Variants in KCNT1 observed in about 807,000 individuals in gnomAD.
KCNT1 encodes potassium sodium-activated channel subfamily T member 1.
KCNT1 carries 78 observed loss-of-function variants against 147.8 expected under a neutral mutation model. The ratio of observed to expected loss-of-function variants is 0.53; its 90% CI spans 0.44 to 0.64. The LOEUF is 0.64. Ranked by LOEUF, KCNT1 falls within the 30% of genes least tolerant of loss-of-function variation. The pLI is 0.00. For synonymous variants in KCNT1, 867 were observed against 748.8 expected, an observed-to-expected ratio of 1.16 and a Z score of -2.58; for missense variants, 1,419 against 1,750.3, an observed-to-expected ratio of 0.81 and a Z score of 3.38.
At chr9:135,722,436 C>T (rs550523538) in intron 2 of KCNT1, among the ~76,000 whole-genome samples, 6 of 152,340 alleles carry the variant, frequency 3.9e-5, no homozygotes, top group South Asian at 4.1e-4. Context: ...GCATCCTCCG[C>T]GTCAGGAAGC....
chr9:135,753,772 AG>A (rs1225750917), intron 4 of KCNT1, 164 bp from the exon 5 acceptor site: 1 of 668,030 alleles, frequency 1.5e-6, no homozygotes, highest in African/African-American at 1.8e-5. Context: ...GGGAGGGGGC[AG>A]GCTGCCTTGT....
chr9:135,757,438 G>C, intron 9 of KCNT1, 57 bp downstream of exon 9: 1 of 1,499,422 alleles, frequency 6.7e-7, no homozygotes. Context: ...CAGCCTCACC[G>C]GCCCTGGAAG....
At position 135,770,466 on chromosome 9, in the gene KCNT1, C is replaced by T. The variant is rs770651028; in HGVS notation, c.1769+19C>T. 1.7e-5 allele frequency: 27 copies of T among 1,598,994 alleles called. No individual in the cohort carries two copies. The highest frequency in any genetic ancestry group is 3.3e-4 in the Middle Eastern group (2 of 5,992). Reference sequence around the variant, plus strand: ...ACAAGAAGTAAGGCCGGGCTGCATCCACAGGGCTGGCGCTCCAGGGCTGCT... The same window carrying T: ...ACAAGAAGTAAGGCCGGGCTGCATCTACAGGGCTGGCGCTCCAGGGCTGCT... On this transcript the variant is annotated intron_variant, in intron 17 of 30. Transcript: ENST00000371757.
At chr9:135,748,190 T>C (rs2131401990) in intron 2 of KCNT1, among the ~76,000 whole-genome samples, 1 of 152,152 alleles carries the variant, frequency 6.6e-6, no homozygotes, top group Non-Finnish European at 1.5e-5. Flanking sequence ...CACCTCTGCC[T>C]CCCAAGTTCC....
intron 5 of KCNT1, among the ~76,000 whole-genome samples, chr9:135,754,622 T>C (rs1831371271): frequency 6.6e-6 from 1 of 152,176 alleles, no homozygotes; most frequent in Non-Finnish European, 1.5e-5. Context: ...GCCATGCCCC[T>C]GCCTGTTTAT....
intron 11 of KCNT1, among the ~76,000 whole-genome samples, chr9:135,763,432 C>T (rs1430426251): frequency 6.6e-6 from 1 of 152,254 alleles, no homozygotes; most frequent in East Asian, 1.9e-4. Context: ...AAGTATCCTC[C>T]AGGCTCTTCG....
At chr9:135,773,891 G>A (rs1019891733) in intron 19 of KCNT1, among the ~76,000 whole-genome samples, 1 of 152,242 alleles carries the variant, frequency 6.6e-6, no homozygotes, top group African/African-American at 2.4e-5. Context: ...CACCAGCCGG[G>A]GGTGCTGGGG....
At chr9:135,777,768 C>G (rs936660948) in intron 21 of KCNT1, among the ~76,000 whole-genome samples, 3 of 151,132 alleles carry the variant, frequency 2.0e-5, no homozygotes, top group African/African-American at 7.3e-5. Flanking sequence ...TGGGTCCTCC[C>G]TGCTCCCTGT....
rs1276443734 is a variant in KCNT1, at chr9:135,714,206, G to A, written c.111-371G>A. ...GGAGGGGTTGCAGGGGTGTGGCGGGGCTTCAGAGCAGGGGGAGGGCCTCCA... is the reference window on the plus strand; with the variant it reads ...GGAGGGGTTGCAGGGGTGTGGCGGGACTTCAGAGCAGGGGGAGGGCCTCCA... On this transcript the variant is annotated intron_variant, in intron 1 of 30. Coordinates refer to ENST00000371757, the MANE Select transcript of KCNT1 (RefSeq NM_020822.3). The surrounding 1 kb of genome is among the most constrained non-coding windows in gnomAD (Gnocchi z 6.2). 6.6e-6 allele frequency among the ~76,000 whole-genome samples: 1 copy of A among 151,740 alleles called. No individual in the cohort carries two copies. Among genetic ancestry groups the A allele is most frequent in the African/African-American group, 2.4e-5 (1 of 41,332 alleles).
chr9:135,774,143 ATG>A (rs889892929), intron 19 of KCNT1, among the ~76,000 whole-genome samples: 6 of 142,294 alleles, frequency 4.2e-5, no homozygotes, highest in African/African-American at 1.6e-4. Context: ...GTGATATGTG[ATG>A]TGTGTCTGGG....
intron 2 of KCNT1, among the ~76,000 whole-genome samples, chr9:135,716,201 C>T (rs576588143): frequency 2.8e-4 from 43 of 152,308 alleles, no homozygotes; most frequent in South Asian, 8.3e-4. Flanking sequence ...TTCTTGAAAA[C>T]GGCAGCCCTG....
At chr9:135,781,639 T>TA (rs5901090) in intron 24 of KCNT1, among the ~76,000 whole-genome samples, 60,338 of 143,776 alleles carry the variant, frequency 0.42, 12,206 homozygotes, top group South Asian at 0.56. Context: ...ATACTGAAAG[T>TA]AAAAAAAAAA....
chr9:135,774,582 T>C (rs1833020102), intron 19 of KCNT1, among the ~76,000 whole-genome samples: 1 of 151,624 alleles, frequency 6.6e-6, no homozygotes, highest in Admixed American at 6.6e-5. Context: ...GTGTGTTGTG[T>C]GTCCATGTGT....
At chr9:135,778,988 C>G (rs1203460024) in intron 23 of KCNT1, among the ~76,000 whole-genome samples, 166 bp downstream of exon 23, 1 of 148,020 alleles carries the variant, frequency 6.8e-6, no homozygotes, top group East Asian at 2.1e-4. Context: ...ACCACGGGCC[C>G]TCGCCCTGAG....
chr9:135,775,110 A>C (rs1399493999), intron 19 of KCNT1, among the ~76,000 whole-genome samples, 200 bp from the exon 20 acceptor site: 2 of 152,210 alleles, frequency 1.3e-5, no homozygotes, highest in African/African-American at 2.4e-5. Context: ...CGGTGACCAC[A>C]GGCTCAGCTG....
chr9:135,767,327 G>A (rs1262012823), intron 13 of KCNT1, among the ~76,000 whole-genome samples: 2 of 152,240 alleles, frequency 1.3e-5, no homozygotes, highest in Admixed American at 6.5e-5. Context: ...GCCCAGGGCT[G>A]TGGGTACAGG....
chr9:135,714,828 C>A lies in KCNT1; in HGVS notation c.254+108C>A. 1.2e-6 allele frequency: 1 copy of A among 803,382 alleles called. No homozygotes were observed. The highest frequency in any genetic ancestry group is 1.6e-6 in the Non-Finnish European group (1 of 632,510). The allele number at this position is 803,382 out of a possible 1,614,324, so 49.8% of individuals were successfully genotyped here. On this transcript the variant is annotated intron_variant, in intron 2 of 30. Transcript: ENST00000371757. The surrounding 1 kb of genome is among the most constrained non-coding windows in gnomAD (Gnocchi z 6.2). ...CGGTCCCGCGCGCCCCCGCAGCCGC[C>A]GGCGCCCTTCAACTTTTCCCGGCTT...
chr9:135,711,434 T>C (rs1224016488), intron 1 of KCNT1, among the ~76,000 whole-genome samples: 1 of 152,232 alleles, frequency 6.6e-6, no homozygotes, highest in African/African-American at 2.4e-5. Context: ...TGACGCTCCT[T>C]GGGCTCTGGG....
rs376633917 is a variant in KCNT1, at chr9:135,756,819, C to T, written c.541-54C>T. The T allele has an allele frequency of 1.9e-5, 29 of 1,503,516 alleles. No homozygotes were observed. In the African/African-American group the frequency reaches 4.0e-4, roughly 21 times the overall value. The allele number at this position is 1,503,516 out of a possible 1,614,324, so 93.1% of individuals were successfully genotyped here. On this transcript the variant is annotated intron_variant, in intron 6 of 30. Coordinates refer to ENST00000371757, the MANE Select transcript of KCNT1 (RefSeq NM_020822.3). Reference sequence around the variant, plus strand: ...TGCCCGCGAGGCCTGTGGGGTCAGGCCCCAGCCCCAGCCCCGGCCTGCTCC... The same window carrying T: ...TGCCCGCGAGGCCTGTGGGGTCAGGTCCCAGCCCCAGCCCCGGCCTGCTCC...
Sources: gnomAD v4.1 joint callset for allele counts (sites outside exome capture counted in the v4.1 genomes callset) on GRCh38, gnomAD v4.1.1 for gene constraint, Gnocchi (gnomAD v3.1) non-coding constraint, MANE v1.5 for transcripts, NCBI Gene and HGNC (gene_info 2026-07-23, HGNC 2026-07-21) for gene names.